The following PPFIA3 variants were observed in gnomAD, a reference collection of about 807,000 sequenced individuals.
PPFIA3 encodes the protein liprin-alpha-3.
PPFIA3 carries 26 observed loss-of-function variants against 145.8 expected under a neutral mutation model. The ratio of observed to expected loss-of-function variants is 0.18; its 90% CI spans 0.13 to 0.25. PPFIA3 has a LOEUF of 0.25. Among genes scored for constraint, PPFIA3 ranks in the 10% least tolerant of loss-of-function variants. PPFIA3 has a pLI of 1.00. For synonymous variants in PPFIA3, 645 were observed against 661.4 expected (o/e 0.98, Z 0.38); for missense variants, 1,008 against 1,587.8 (o/e 0.63, Z 6.21).
rs1238962447 is a variant in PPFIA3 at position 49,133,850 on chromosome 19, C to T, written c.1216C>T (p.Leu406=). Reference sequence around the variant, plus strand: ...GCGGCTTCGGCAGCTGGAGGCCCAGCTGGAAGAGAAGAATCAAGAGCTGCA... The same window carrying T: ...GCGGCTTCGGCAGCTGGAGGCCCAGTTGGAAGAGAAGAATCAAGAGCTGCA... ...EERLRQLEAQ[L]EEKNQELQRA... is the part of the protein sequence containing the mutation. The change falls in exon 10 of 30, where the codon CTG becomes TTG. Residue 406 remains leucine, a synonymous_variant. Coordinates refer to ENST00000334186, the MANE Select transcript of PPFIA3 (RefSeq NM_003660.4). The surrounding 1 kb of genome is among the most constrained non-coding windows in gnomAD (Gnocchi z 7.2). 1 of 1,613,004 alleles carries T rather than the reference C, an allele frequency of 6.2e-7. No homozygotes were observed. The highest frequency in any genetic ancestry group is 8.5e-7 in the Non-Finnish European group (1 of 1,179,962).
intron 23 of PPFIA3, 162 bp downstream of exon 23, chr19:49,146,354 C>T (rs909017886): frequency 1.1e-5 from 10 of 885,602 alleles, no homozygotes; most frequent in Non-Finnish European, 1.5e-5. Flanking sequence ...TATGGCTTGG[C>T]GGTGGGGAGG....
At position 49,138,277 on chromosome 19, in the gene PPFIA3, C is replaced by A. The variant is rs45503497; in HGVS notation, c.1926C>A (p.Gly642=). The change falls in exon 16 of 30, where the codon GGC becomes GGA. Residue 642 remains glycine (G), a synonymous_variant. Transcript: ENST00000334186. Reference sequence around the variant, plus strand: ...TGGAGAGTCGGGTGTCCAGCTCTGGCTTGGACTCGTTGGGCCGCTACCGCA... The same window carrying A: ...TGGAGAGTCGGGTGTCCAGCTCTGGATTGGACTCGTTGGGCCGCTACCGCA... The part of the protein sequence containing the change: ...EELESRVSSS[G]LDSLGRYRSS... 14,061 of 1,613,614 alleles carry A rather than the reference C, an allele frequency of 8.7e-3. 91 individuals are homozygous for A. The highest frequency in any genetic ancestry group is 0.011 in the Non-Finnish European group (12,876 of 1,179,756).
chr19:49,122,957 G>A (rs1351477286), intron 1 of PPFIA3, among the ~76,000 whole-genome samples: 2 of 151,110 alleles, frequency 1.3e-5, no homozygotes, highest in Non-Finnish European at 2.9e-5. Context: ...TGTTAACCTC[G>A]TGATCCACCT....
intron 23 of PPFIA3, chr19:49,146,496 T>C: frequency 2.1e-6 from 1 of 477,008 alleles, no homozygotes; most frequent in South Asian, 2.6e-5. Context: ...GAGCAGCCGG[T>C]GTCCCTATAG....
intron 16 of PPFIA3, among the ~76,000 whole-genome samples, chr19:49,139,138 C>G (rs1465046213): frequency 6.6e-6 from 1 of 152,042 alleles, no homozygotes; most frequent in Non-Finnish European, 1.5e-5. Context: ...GAGGCCTGAC[C>G]AACATGGTGA....
At chr19:49,134,244 C>T in intron 11 of PPFIA3, 79 bp downstream of exon 11, 9 of 1,522,466 alleles carry the variant, frequency 5.9e-6, no homozygotes, top group Non-Finnish European at 7.9e-6. Flanking sequence ...CCAGGCCTTT[C>T]CCTCAGATCT....
Position 49,130,097 on chromosome 19 carries a change from C to A in PPFIA3, c.657+30C>A. Reference sequence around the variant, plus strand: ...GACATGGAAGTCCCCTCTCCGTGAGCTCCATTCAACTCCCTGACTTTGTGA... The same window carrying A: ...GACATGGAAGTCCCCTCTCCGTGAGATCCATTCAACTCCCTGACTTTGTGA... On this transcript the variant is annotated intron_variant, in intron 6 of 29. Coordinates refer to ENST00000334186, the MANE Select transcript of PPFIA3 (RefSeq NM_003660.4). This position sits in a 1 kb window ranked among gnomAD's most constrained non-coding sequence, Gnocchi z 4.5. The A allele has an allele frequency of 1.3e-6, 2 of 1,582,698 alleles. No individual in the cohort carries two copies. Among genetic ancestry groups the A allele is most frequent in the Admixed American group, 1.8e-5 (1 of 54,286 alleles).
In PPFIA3 at chr19:49,130,694, AGTCCACAGGCTGGG is replaced by A; in HGVS notation, c.879+96_879+109del. ...CTCATGAATGGCGGAACCTCGATTC[AGTCCACAGGCTGGG>A]TGACTCCTCTTTGAGATTCAGTTTT... On this transcript the variant is annotated intron_variant, in intron 7 of 29. Coordinates refer to ENST00000334186, the MANE Select transcript of PPFIA3 (RefSeq NM_003660.4). This position sits in a 1 kb window ranked among gnomAD's most constrained non-coding sequence, Gnocchi z 4.5. The A allele has an allele frequency of 9.3e-7, 1 of 1,072,140 alleles. No individual in the cohort carries two copies. Among genetic ancestry groups the A allele is most frequent in the South Asian group, 1.6e-5 (1 of 64,284 alleles). The allele number at this position is 1,072,140 out of a possible 1,614,324, so 66.4% of individuals were successfully genotyped here. A position where few individuals can be genotyped will look rare whatever the true frequency, so the allele number is the denominator to read the frequency against.
At chr19:49,143,101 C>T in intron 21 of PPFIA3, 97 bp downstream of exon 21, 1 of 1,344,262 alleles carries the variant, frequency 7.4e-7, no homozygotes, top group Non-Finnish European at 1.0e-6. Context: ...TCCCCTGTCC[C>T]ACGACCCTGC....
At position 49,150,945 on chromosome 19, in the gene PPFIA3, A is replaced by G; in HGVS notation, c.*723A>G. The G allele has an allele frequency of 4.6e-6, 1 of 215,616 alleles. No homozygotes were observed. The highest frequency in any genetic ancestry group is 9.1e-6 in the Non-Finnish European group (1 of 110,078). 13.4% of individuals were successfully genotyped at this position (215,616 alleles called of 1,614,324 possible). A position where few individuals can be genotyped will look rare whatever the true frequency, so the allele number is the denominator to read the frequency against. ...CGTGGGGGCAGGGGGACGGTGGGGGAGCCCTCGCCCCCGACTCTCGGTCGG... is the reference window on the plus strand; with the variant it reads ...CGTGGGGGCAGGGGGACGGTGGGGGGGCCCTCGCCCCCGACTCTCGGTCGG... On this transcript the variant is annotated 3_prime_UTR_variant, in exon 30 of 30. Transcript: ENST00000334186.
At position 49,128,617 on chromosome 19, in the gene PPFIA3, G is replaced by T; in HGVS notation, c.342+149G>T. 1 of 806,180 alleles carries T rather than the reference G, an allele frequency of 1.2e-6. No individual in the cohort carries two copies. The highest frequency in any genetic ancestry group is 2.0e-6 in the Non-Finnish European group (1 of 505,702). The allele number at this position is 806,180 out of a possible 1,614,324, so 49.9% of individuals were successfully genotyped here. ...TCCTCTTCCCTGCTCCCACTTCCTG[G>T]CTGGTCTCCCACTCTGGTGCCACTC... is the stretch of plus-strand genomic sequence containing the variant. On this transcript the variant is annotated intron_variant, in intron 3 of 29. Coordinates refer to ENST00000334186, the MANE Select transcript of PPFIA3 (RefSeq NM_003660.4). The surrounding 1 kb of genome is among the most constrained non-coding windows in gnomAD (Gnocchi z 4.1).
rs891271423 is a variant in PPFIA3 at position 49,130,220 on chromosome 19, C to G, written c.657+153C>G. Reference sequence around the variant, plus strand: ...TGGACCTCTGATTCAGGTCACCTAGCGAACTTCTGTGACCTCCTTCACTGA... The same window carrying G: ...TGGACCTCTGATTCAGGTCACCTAGGGAACTTCTGTGACCTCCTTCACTGA... On this transcript the variant is annotated intron_variant, in intron 6 of 29. Transcript: ENST00000334186. This position sits in a 1 kb window ranked among gnomAD's most constrained non-coding sequence, Gnocchi z 4.5. Among the ~76,000 whole-genome samples the G allele has an allele frequency of 3.3e-5, 5 of 152,176 alleles. No individual in the cohort carries two copies. Among genetic ancestry groups the G allele is most frequent in the Non-Finnish European group, 5.9e-5 (4 of 68,034 alleles).
At chr19:49,143,595 ACTCCCGAC>A (rs887285690) in intron 21 of PPFIA3, among the ~76,000 whole-genome samples, 5 of 150,228 alleles carry the variant, frequency 3.3e-5, no homozygotes, top group Non-Finnish European at 7.4e-5. Context: ...CTGGTCTTGA[ACTCCCGAC>A]CTCAGGTGAT....
At chr19:49,148,558 C>A in intron 24 of PPFIA3, 108 bp from the exon 25 acceptor site, 1 of 915,648 alleles carries the variant, frequency 1.1e-6, no homozygotes, top group Non-Finnish European at 1.7e-6. Flanking sequence ...AACTTATCAG[C>A]TCCCCACCCT....
intron 21 of PPFIA3, among the ~76,000 whole-genome samples, chr19:49,144,932 CTTT>C (rs1228634412): frequency 2.9e-5 from 4 of 136,412 alleles, no homozygotes; most frequent in Admixed American, 7.4e-5. Context: ...TCTTTTCTTT[CTTT>C]TTTTTTTTTT....
Position 49,149,928 on chromosome 19 carries a change from G to GT in PPFIA3, c.3527-149dup, listed in dbSNP as rs1216636849. On this transcript the variant is annotated intron_variant, in intron 28 of 29. Coordinates refer to ENST00000334186, the MANE Select transcript of PPFIA3 (RefSeq NM_003660.4). The surrounding 1 kb of genome is among the most constrained non-coding windows in gnomAD (Gnocchi z 5.7). ...GCGGGAGTGAACTCGCCCAATGCGA[G>GT]TTTGAGTCCTTGGCTGCGGGGAAGG... 2 of 1,156,384 alleles carry GT rather than the reference G, an allele frequency of 1.7e-6. No homozygotes were observed. The highest frequency in any genetic ancestry group is 1.5e-5 in the South Asian group (1 of 66,464). 71.6% of individuals were successfully genotyped at this position (1,156,384 alleles called of 1,614,324 possible).
Position 49,134,933 on chromosome 19 carries a change from G to C in PPFIA3, c.1520+18G>C. On this transcript the variant is annotated intron_variant, in intron 13 of 29. Transcript: ENST00000334186. ...TACTCCAGGTGACAGCAGCCCTTCT[G>C]CCCTGCCCCCACCATGGAGCCCCGT... 1 of 1,531,476 alleles carries C rather than the reference G, an allele frequency of 6.5e-7. No individual in the cohort carries two copies. Among genetic ancestry groups the C allele is most frequent in the South Asian group, 1.3e-5 (1 of 77,680 alleles). The allele number at this position is 1,531,476 out of a possible 1,614,324, so 94.9% of individuals were successfully genotyped here.
rs2041274679 is a variant in PPFIA3 at position 49,145,942 on chromosome 19, G to A, written c.2746-1G>A. 1 of 1,613,536 alleles carries A rather than the reference G, an allele frequency of 6.2e-7. No homozygotes were observed. Among genetic ancestry groups the A allele is most frequent in the African/African-American group, 1.3e-5 (1 of 74,836 alleles). On this transcript the variant is annotated splice_acceptor_variant, in intron 21 of 29. Transcript: ENST00000334186. LOFTEE classifies it high-confidence loss of function. ...ATCCATTAACACTCCCTGCCCCTCA[G>A]TCCACAGGAAACGTGTGGATGACAC...
In PPFIA3 at chr19:49,141,405, C is replaced by G; in HGVS notation, c.2369-15C>G. ...CCTTGAGATTTTCCAAATTTCGACC[C>G]CTCCCTGCCTCCAGCTGGAACACCC... On this transcript the variant is annotated splice_polypyrimidine_tract_variant and intron_variant, in intron 18 of 29. Coordinates refer to ENST00000334186, the MANE Select transcript of PPFIA3 (RefSeq NM_003660.4). 6.2e-7 allele frequency: 1 copy of G among 1,610,094 alleles called. No homozygotes were observed. Among genetic ancestry groups the G allele is most frequent in the Non-Finnish European group, 8.5e-7 (1 of 1,177,086 alleles).
Sources: gnomAD v4.1 joint callset for allele counts (sites outside exome capture counted in the v4.1 genomes callset) on GRCh38, gnomAD v4.1.1 for gene constraint, Gnocchi (gnomAD v3.1) non-coding constraint, MANE v1.5 for transcripts, NCBI Gene and HGNC (gene_info 2026-07-23, HGNC 2026-07-21) for gene names.